Variants in SPOCK3 observed in about 807,000 individuals in gnomAD.
SPOCK3 encodes the protein SPARC (osteonectin), cwcv and kazal like domains proteoglycan 3.
SPOCK3 carries 30 observed loss-of-function variants against 56.6 expected under a neutral mutation model. The ratio of observed to expected loss-of-function variants is 0.53; its 90% CI spans 0.40 to 0.72. SPOCK3 has a LOEUF of 0.72. SPOCK3 is among the 30% of genes least tolerant of loss of function. The probability of loss-of-function intolerance (pLI) is 0.00; values close to 1 mark genes in which losing one functional copy is unlikely to be tolerated. For missense variants in SPOCK3, 527 were observed against 530.0 expected, an observed-to-expected ratio of 0.99 and a Z score of 0.06; for synonymous variants, 196 against 183.3, an observed-to-expected ratio of 1.07 and a Z score of -0.56.
rs546639162 is a variant in SPOCK3, at chr4:167,224,763, G to A, written c.189+9222C>T. Among the ~76,000 whole-genome samples the A allele has an allele frequency of 8.5e-5, 13 of 152,106 alleles. No individual in the cohort carries two copies. The South Asian group carries it at 1.9e-3, about 22-fold the overall frequency. Reference sequence around the variant, plus strand: ...CAACCTCTGACTCCCTGGTTCAAGCGATTCTCTTGCCTCAGCCTCCCGAGT... The same window carrying A: ...CAACCTCTGACTCCCTGGTTCAAGCAATTCTCTTGCCTCAGCCTCCCGAGT... On this transcript the variant is annotated intron_variant, in intron 2 of 10. Coordinates refer to ENST00000357545, the MANE Select transcript of SPOCK3 (RefSeq NM_001040159.2).
At chr4:167,042,881 A>C (rs1459417796) in intron 3 of SPOCK3, among the ~76,000 whole-genome samples, 5 of 152,106 alleles carry the variant, frequency 3.3e-5, no homozygotes, top group African/African-American at 9.7e-5. Context: ...AGGGGTAGTT[A>C]TTTGTGTGCC....
At chr4:166,754,471 G>A in intron 8 of SPOCK3, 37 bp downstream of exon 8, 2 of 1,579,502 alleles carry the variant, frequency 1.3e-6, no homozygotes, top group Non-Finnish European at 1.7e-6. Flanking sequence ...TGACATGCAG[G>A]TCAACTATTT....
At position 167,179,198 on chromosome 4, in the gene SPOCK3, C is replaced by T. The variant is rs997086351; in HGVS notation, c.189+54787G>A. ...CCTGATTAGATATTATGTTTCATTC[C>T]ATTGTTACAAAACTGCATTTTCCTT... is the stretch of plus-strand genomic sequence containing the variant. On this transcript the variant is annotated intron_variant, in intron 2 of 10. Transcript: ENST00000357545. Among the ~76,000 whole-genome samples, 2 of 152,082 alleles carry T rather than the reference C, an allele frequency of 1.3e-5. 1 individual carries two copies. The highest frequency in any genetic ancestry group is 2.9e-5 in the Non-Finnish European group (2 of 68,014).
chr4:166,920,542 G>T (rs1169831133), intron 4 of SPOCK3, among the ~76,000 whole-genome samples: 1 of 152,122 alleles, frequency 6.6e-6, no homozygotes, highest in African/African-American at 2.4e-5. Flanking sequence ...ACCTTAACTA[G>T]CTTACAGTGT....
chr4:167,148,327 A>G (rs1212652555), intron 2 of SPOCK3, among the ~76,000 whole-genome samples: 1 of 152,148 alleles, frequency 6.6e-6, no homozygotes, highest in African/African-American at 2.4e-5. Flanking sequence ...CAAATATGTC[A>G]GTGGTGGTGA....
chr4:167,108,900 C>A (rs1312551305), intron 2 of SPOCK3, among the ~76,000 whole-genome samples: 1 of 137,238 alleles, frequency 7.3e-6, no homozygotes, highest in Non-Finnish European at 1.5e-5. Flanking sequence ...ATTTCTGTAT[C>A]AAAATATCTC....
At chr4:166,995,473 G>C (rs1748264696) in intron 4 of SPOCK3, among the ~76,000 whole-genome samples, 2 of 151,798 alleles carry the variant, frequency 1.3e-5, no homozygotes, top group South Asian at 4.1e-4. Flanking sequence ...ATAAACATCT[G>C]TTCATATACA....
chr4:166,984,811 T>C (rs1364070007), intron 4 of SPOCK3, among the ~76,000 whole-genome samples: 4 of 152,268 alleles, frequency 2.6e-5, no homozygotes, highest in South Asian at 2.1e-4. Context: ...ATGAAATGTA[T>C]ATACAGTATC....
chr4:166,738,724 GT>G (rs1180317897), intron 9 of SPOCK3, among the ~76,000 whole-genome samples: 1 of 146,968 alleles, frequency 6.8e-6, no homozygotes, highest in Admixed American at 7.0e-5. Flanking sequence ...GCGGTGTTTG[GT>G]TTTTTGTCCT....
chr4:166,776,152 T>C (rs1739508229), intron 7 of SPOCK3, among the ~76,000 whole-genome samples: 1 of 152,056 alleles, frequency 6.6e-6, no homozygotes, highest in South Asian at 2.1e-4. Flanking sequence ...CGGTGGCTCA[T>C]GACTGTAATC....
chr4:166,800,564 TTG>T (rs1742474822), intron 6 of SPOCK3, among the ~76,000 whole-genome samples: 1 of 152,048 alleles, frequency 6.6e-6, no homozygotes, highest in Non-Finnish European at 1.5e-5. Flanking sequence ...ATGTGTGTGT[TTG>T]TGTCAGGTTT....
rs558283813 is a variant in SPOCK3 at position 166,973,767 on chromosome 4, A to C, written c.350+26582T>G. Among the ~76,000 whole-genome samples, 55 of 152,336 alleles carry C rather than the reference A, an allele frequency of 3.6e-4. 2 individuals carry two copies. The South Asian group carries it at 8.9e-3, about 25-fold the overall frequency. On this transcript the variant is annotated intron_variant, in intron 4 of 10. Coordinates refer to ENST00000357545, the MANE Select transcript of SPOCK3 (RefSeq NM_001040159.2). ...ACAAGTTGATTTAATGGCCGCTAGA[A>C]AAGATAGATCCAAGACTGACAAAAG...
At chr4:167,135,505 T>C (rs1438098094) in intron 2 of SPOCK3, among the ~76,000 whole-genome samples, 1 of 152,196 alleles carries the variant, frequency 6.6e-6, no homozygotes, top group East Asian at 1.9e-4. Flanking sequence ...GTTCAGCATC[T>C]CACTGGAGTG....
intron 3 of SPOCK3, among the ~76,000 whole-genome samples, chr4:167,037,340 G>A (rs559334346): frequency 1.3e-5 from 2 of 151,948 alleles, no homozygotes; most frequent in Non-Finnish European, 2.9e-5. Context: ...AAATTAGCCC[G>A]GCGTGGTGGG....
At chr4:167,224,708 G>A (rs890267679) in intron 2 of SPOCK3, among the ~76,000 whole-genome samples, 19 of 151,972 alleles carry the variant, frequency 1.3e-4, no homozygotes, top group African/African-American at 3.6e-4. Flanking sequence ...TTGCCAGGCT[G>A]GAGTGCAGGC....
rs187363965 is a variant in SPOCK3, at chr4:167,222,852, T to C, written c.189+11133A>G. ...ATAGATATATATTGATATGTGAATA[T>C]ATAAATATATAAACATAGATATATA... On this transcript the variant is annotated intron_variant, in intron 2 of 10. Coordinates refer to ENST00000357545, the MANE Select transcript of SPOCK3 (RefSeq NM_001040159.2). 8.2e-3 allele frequency among the ~76,000 whole-genome samples: 1,046 copies of C among 127,364 alleles called. 13 individuals are homozygous for C. Among genetic ancestry groups the C allele is most frequent in the Non-Finnish European group, 0.012 (800 of 64,542 alleles). 83.6% of individuals were successfully genotyped at this position (127,364 alleles called of 152,430 possible). A position where few individuals can be genotyped will look rare whatever the true frequency, so the allele number is the denominator to read the frequency against.
rs1216226045 is a variant in SPOCK3 at position 167,205,557 on chromosome 4, A to T, written c.189+28428T>A. Among the ~76,000 whole-genome samples, 8 of 62,076 alleles carry T rather than the reference A, an allele frequency of 1.3e-4. No individual in the cohort carries two copies. In the East Asian group the frequency reaches 2.3e-3, roughly 18 times the overall value. 40.7% of individuals were successfully genotyped at this position (62,076 alleles called of 152,430 possible). On this transcript the variant is annotated intron_variant, in intron 2 of 10. Coordinates refer to ENST00000357545, the MANE Select transcript of SPOCK3 (RefSeq NM_001040159.2). ...ATATAATATATATTATATAATATAT[A>T]ATATATATTATATATATAATATAAT...
intron 2 of SPOCK3, among the ~76,000 whole-genome samples, chr4:167,086,878 A>AT (rs1758251979): frequency 1.3e-5 from 2 of 152,092 alleles, no homozygotes; most frequent in African/African-American, 2.4e-5. Context: ...GAGATTACAA[A>AT]TTTAAACTTT....
At chr4:167,075,750 TC>T (rs1757125247) in intron 2 of SPOCK3, among the ~76,000 whole-genome samples, 1 of 151,868 alleles carries the variant, frequency 6.6e-6, no homozygotes, top group Non-Finnish European at 1.5e-5. Context: ...CAAGAAATCT[TC>T]CCACCTCAGC....
Sources: gnomAD v4.1 joint callset for allele counts (sites outside exome capture counted in the v4.1 genomes callset) on GRCh38, gnomAD v4.1.1 for gene constraint, MANE v1.5 for transcripts, NCBI Gene and HGNC (gene_info 2026-07-23, HGNC 2026-07-21) for gene names.